STK32B: variants seen among roughly 807,000 people sequenced by gnomAD.
STK32B encodes serine/threonine kinase 32B, also known as serine/threonine-protein kinase 32B.
STK32B carries 43 observed loss-of-function variants against 52.6 expected under a neutral mutation model. That is an observed-to-expected ratio of 0.82 (90% CI 0.64 to 1.05). The LOEUF (loss-of-function observed/expected upper bound fraction) is 1.05. Among genes scored for constraint, STK32B ranks in the 50% least tolerant of loss-of-function variants. The probability of loss-of-function intolerance (pLI) is 0.00; values close to 1 mark genes in which losing one functional copy is unlikely to be tolerated. For missense variants in STK32B, 621 were observed against 534.6 expected (o/e 1.16, Z -1.59); for synonymous variants, 238 against 204.3 (o/e 1.17, Z -1.41).
At chr4:5,225,591 G>A (rs1256326402) in intron 3 of STK32B, among the ~76,000 whole-genome samples, 1 of 152,066 alleles carries the variant, frequency 6.6e-6, no homozygotes, top group African/African-American at 2.4e-5. Context: ...GGCCCTCCCG[G>A]TGGCTGACAG....
intron 11 of STK32B, among the ~76,000 whole-genome samples, chr4:5,496,824 A>G (rs1159462889): frequency 4.6e-5 from 7 of 151,904 alleles, no homozygotes; most frequent in African/African-American, 1.7e-4. Flanking sequence ...AAAAAACAGC[A>G]TGAAGATCAA....
the STK32B span, among the ~76,000 whole-genome samples, chr4:5,034,169 C>T: frequency 0.022 from 3,343 of 152,316 alleles, 115 homozygotes; most frequent in African/African-American, 0.071. Flanking sequence ...GCTTTGGACT[C>T]TTACGTAAAG....
intron 3 of STK32B, among the ~76,000 whole-genome samples, chr4:5,247,289 A>G (rs900504325): frequency 3.0e-4 from 46 of 152,110 alleles, no homozygotes; most frequent in African/African-American, 9.6e-4. Context: ...CCCCTCCCCC[A>G]GCCTCACTGC....
chr4:5,057,196 A>G (rs1298616841), intron 1 of STK32B, among the ~76,000 whole-genome samples: 1 of 152,250 alleles, frequency 6.6e-6, no homozygotes, highest in Non-Finnish European at 1.5e-5. Flanking sequence ...AGCTATTGAA[A>G]AACAAACTGA....
At chr4:5,033,248 T>C in the STK32B span, among the ~76,000 whole-genome samples, 1 of 152,070 alleles carries the variant, frequency 6.6e-6, no homozygotes, top group Admixed American at 6.5e-5. Context: ...ACACGGTAGG[T>C]GATACGGCGT....
intron 3 of STK32B, among the ~76,000 whole-genome samples, chr4:5,201,247 T>G (rs1267489321): frequency 1.3e-5 from 2 of 152,180 alleles, no homozygotes; most frequent in East Asian, 3.9e-4. Flanking sequence ...AAAGTCAGTG[T>G]TGCTCACAGA....
In STK32B at chr4:5,460,152, A is replaced by G; in HGVS notation, c.833A>G (p.Gln278Arg). ...ESRVSSLHDI[Q>R]SVPYLADMNW... ...CGCGTGTCCAGCCTTCATGACATAC[A>G]GAGCGTGCCCTACTTGGCCGACATG... is the stretch of plus-strand genomic sequence containing the variant. The change falls in exon 9 of 12, where the codon CAG becomes CGG. Residue 278 changes from glutamine (Q) to arginine (R), a missense_variant. Transcript: ENST00000282908. The surrounding 1 kb of genome is among the most constrained non-coding windows in gnomAD (Gnocchi z 4.8). The G allele has an allele frequency of 6.2e-7, 1 of 1,614,168 alleles. No individual in the cohort carries two copies. Among genetic ancestry groups the G allele is most frequent in the Non-Finnish European group, 8.5e-7 (1 of 1,180,026 alleles).
intron 7 of STK32B, among the ~76,000 whole-genome samples, chr4:5,454,944 GT>G (rs1472124884): frequency 6.6e-6 from 1 of 152,176 alleles, no homozygotes; most frequent in Non-Finnish European, 1.5e-5. Context: ...TTTTTTAAGT[GT>G]TAGTGTATCA....
At chr4:5,445,079 C>T (rs547534231) in intron 6 of STK32B, among the ~76,000 whole-genome samples, 1 of 152,200 alleles carries the variant, frequency 6.6e-6, no homozygotes, top group Admixed American at 6.5e-5. Flanking sequence ...GCTGTGTGAC[C>T]TCTTCATACT....
chr4:5,313,717 A>G lies in STK32B; in HGVS notation c.261-17503A>G, dbSNP rs1027275936. 2.0e-5 allele frequency among the ~76,000 whole-genome samples: 3 copies of G among 152,180 alleles called. No individual in the cohort carries two copies. The South Asian group carries it at 6.2e-4, about 31-fold the overall frequency. ...TGGTCTACAACATTCGTGCATAAAG[A>G]TCAACCTAGAACTGTGACAGCACCA... is the stretch of plus-strand genomic sequence containing the variant. On this transcript the variant is annotated intron_variant, in intron 3 of 11. Coordinates refer to ENST00000282908, the MANE Select transcript of STK32B (RefSeq NM_018401.3).
At chr4:5,172,760 C>G (rs958659787) in intron 3 of STK32B, among the ~76,000 whole-genome samples, 4 of 152,124 alleles carry the variant, frequency 2.6e-5, no homozygotes. Flanking sequence ...GGATATTGGT[C>G]TAAAATTCTC....
chr4:5,309,166 T>C (rs1041533019), intron 3 of STK32B, among the ~76,000 whole-genome samples: 6 of 151,854 alleles, frequency 4.0e-5, no homozygotes, highest in Non-Finnish European at 7.4e-5. Flanking sequence ...AAATAATACA[T>C]ATAAATAAAT....
At chr4:5,125,838 G>T (rs944154816) in intron 1 of STK32B, among the ~76,000 whole-genome samples, 5 of 152,128 alleles carry the variant, frequency 3.3e-5, no homozygotes, top group Non-Finnish European at 7.4e-5. Flanking sequence ...TGCCTCCTGT[G>T]GACCTCCCTC....
intron 3 of STK32B, among the ~76,000 whole-genome samples, chr4:5,287,466 C>G (rs760351521): frequency 6.7e-6 from 1 of 149,448 alleles, no homozygotes; most frequent in Non-Finnish European, 1.5e-5. Flanking sequence ...CAGTTTAAGT[C>G]GATGAATATA....
intron 3 of STK32B, among the ~76,000 whole-genome samples, chr4:5,175,033 C>G (rs181891093): frequency 2.6e-5 from 4 of 152,104 alleles, no homozygotes; most frequent in Admixed American, 2.0e-4. Context: ...GTTCCCTTCT[C>G]GCTTCATTTC....
intron 1 of STK32B, among the ~76,000 whole-genome samples, chr4:5,105,078 C>G (rs2108797682): frequency 6.6e-6 from 1 of 152,300 alleles, no homozygotes; most frequent in East Asian, 1.9e-4. Flanking sequence ...GCTCCATATC[C>G]TTATTGACAA....
chr4:5,351,428 C>T (rs939610985), intron 4 of STK32B, among the ~76,000 whole-genome samples: 1 of 151,910 alleles, frequency 6.6e-6, no homozygotes, highest in Admixed American at 6.6e-5. Context: ...AAAACCAAGA[C>T]ACACATGCCA....
the STK32B span, among the ~76,000 whole-genome samples, chr4:5,028,921 C>A: frequency 4.6e-5 from 7 of 152,184 alleles, no homozygotes; most frequent in Non-Finnish European, 7.3e-5. Flanking sequence ...AGGAAACTTA[C>A]AACCTGGTGG....
chr4:5,141,951 C>T (rs1178853162), intron 2 of STK32B, among the ~76,000 whole-genome samples: 3 of 151,338 alleles, frequency 2.0e-5, no homozygotes, highest in Admixed American at 6.6e-5. Flanking sequence ...AGAAGGACTT[C>T]CCCCCTGGAA....
Sources: allele counts gnomAD v4.1 joint callset (sites outside exome capture counted in the v4.1 genomes callset), GRCh38; gene constraint gnomAD v4.1.1; non-coding constraint Gnocchi (gnomAD v3.1); transcripts MANE v1.5; gene names NCBI Gene and HGNC (gene_info 2026-07-23, HGNC 2026-07-21).